EPHX2: variants seen among roughly 807,000 people sequenced by gnomAD.
EPHX2 encodes bifunctional epoxide hydrolase 2.
A neutral mutation model predicts 78.7 loss-of-function variants in EPHX2; 74 were observed. The observed-to-expected ratio is 0.94, with a 90% CI of 0.78 to 1.14. EPHX2 has a LOEUF of 1.14. Ranked by LOEUF, EPHX2 falls within the 50% of genes most tolerant of loss-of-function variation. The pLI, the probability that EPHX2 is intolerant of heterozygous loss-of-function variation, is 0.00. For missense variants in EPHX2, 715 were observed against 702.5 expected, an observed-to-expected ratio of 1.02 and a Z score of -0.20; for synonymous variants, 251 against 255.2, an observed-to-expected ratio of 0.98 and a Z score of 0.16.
At chr8:27,526,506 G>C (rs994187444) in intron 12 of EPHX2, among the ~76,000 whole-genome samples, 1 of 152,170 alleles carries the variant, frequency 6.6e-6, no homozygotes, top group Non-Finnish European at 1.5e-5. Flanking sequence ...AGATAGTCTC[G>C]ATGGTGAGAC....
chr8:27,500,940 A>G lies in EPHX2; in HGVS notation c.116A>G (p.Asp39Gly), dbSNP rs774577848. The stretch of plus-strand genomic sequence containing the variant: ...GTGTTTTCCAGAGGACTTCTGAATG[A>G]TGCTTTCCAGAAAGGGGGACCAGAG... ...ALALPRGLLN[D>G]AFQKGGPEGA... The change falls in exon 2 of 19, where the codon GAT (aspartate) becomes GGT (glycine). Residue 39 changes from aspartate (D) to glycine (G), a missense_variant. Asp to Gly is a moderately conservative substitution (Grantham distance 94). Transcript: ENST00000521400. The G allele has an allele frequency of 6.2e-7, 1 of 1,613,254 alleles. No individual in the cohort carries two copies. The highest frequency in any genetic ancestry group is 8.5e-7 in the Non-Finnish European group (1 of 1,179,608).
chr8:27,522,317 C>A, intron 10 of EPHX2, 106 bp from the exon 11 acceptor site: 2 of 985,290 alleles, frequency 2.0e-6, no homozygotes, highest in Non-Finnish European at 3.1e-6. Context: ...TGCTGTGGGT[C>A]GGGGGAGGAG....
chr8:27,493,714 A>G (rs1484059055), intron 1 of EPHX2, among the ~76,000 whole-genome samples: 3 of 152,258 alleles, frequency 2.0e-5, no homozygotes, highest in East Asian at 3.9e-4. Flanking sequence ...GGAGGCAGAT[A>G]TAGGTTGAAG....
chr8:27,524,354 A>T lies in EPHX2; in HGVS notation c.1059-1008A>T, dbSNP rs1814751648. 5.3e-5 allele frequency among the ~76,000 whole-genome samples: 8 copies of T among 151,898 alleles called. No individual in the cohort carries two copies. In the South Asian group the frequency reaches 1.7e-3, roughly 32 times the overall value. ...CTTCCATATGGTCTCTCAGTGCTTG[A>T]TTAATCTTCCTGACCTCTCTCTCTG... On this transcript the variant is annotated intron_variant, in intron 11 of 18. Coordinates refer to ENST00000521400, the MANE Select transcript of EPHX2 (RefSeq NM_001979.6).
At chr8:27,514,550 C>T (rs1814379345) in intron 6 of EPHX2, among the ~76,000 whole-genome samples, 1 of 152,202 alleles carries the variant, frequency 6.6e-6, no homozygotes, top group East Asian at 1.9e-4. Flanking sequence ...AACACCCTGT[C>T]CCTTTCAGTG....
chr8:27,516,860 C>T (rs778536086), intron 8 of EPHX2, among the ~76,000 whole-genome samples: 3 of 151,802 alleles, frequency 2.0e-5, no homozygotes, highest in Non-Finnish European at 2.9e-5. Context: ...GCTTCTTTCA[C>T]TTAGCATAAT....
chr8:27,515,194 G>A (rs1417572865), intron 6 of EPHX2, among the ~76,000 whole-genome samples: 1 of 152,020 alleles, frequency 6.6e-6, no homozygotes, highest in African/African-American at 2.4e-5. Flanking sequence ...CCTGTTCCCC[G>A]TTTTTTTCCT....
chr8:27,507,477 T>A (rs1482758268), intron 5 of EPHX2, among the ~76,000 whole-genome samples: 4 of 152,160 alleles, frequency 2.6e-5, no homozygotes, highest in Non-Finnish European at 4.4e-5. Context: ...GCCTGGGGAT[T>A]AGCCTGCTCC....
chr8:27,520,042 A>G (rs1181994839), intron 9 of EPHX2, among the ~76,000 whole-genome samples: 2 of 144,764 alleles, frequency 1.4e-5, no homozygotes, highest in Non-Finnish European at 3.0e-5. Context: ...GGGTCTCCTT[A>G]TGTTGCCCCG....
intron 11 of EPHX2, among the ~76,000 whole-genome samples, chr8:27,525,068 CTGTGTGTGTGTG>C (rs56963159): frequency 1.9e-3 from 249 of 131,200 alleles, no homozygotes; most frequent in African/African-American, 5.5e-3. Context: ...AGTATGTGTA[CTGTGTGTGTGTG>C]TGTGTGTGTG....
rs562106850 is a variant in EPHX2, at chr8:27,528,736, T to A, written c.1170+3263T>A. On this transcript the variant is annotated intron_variant, in intron 12 of 18. Transcript: ENST00000521400. ...GAGCACTGAGGCTGTTCCAGACCCA[T>A]GCAGCCTAAGGAAGACTCCTTCTGT... Among the ~76,000 whole-genome samples, 23 of 152,278 alleles carry A rather than the reference T, an allele frequency of 1.5e-4. No individual in the cohort carries two copies. The East Asian group carries it at 4.4e-3, about 29-fold the overall frequency.
downstream of EPHX2, among the ~76,000 whole-genome samples, chr8:27,546,435 C>T (rs1236511413): frequency 6.6e-6 from 1 of 152,208 alleles, no homozygotes; most frequent in Non-Finnish European, 1.5e-5. Context: ...CATTTCCAGC[C>T]ATGCCACCAC....
chr8:27,518,619 G>C (rs752436063), intron 9 of EPHX2, among the ~76,000 whole-genome samples: 8 of 152,220 alleles, frequency 5.3e-5, no homozygotes, highest in Non-Finnish European at 8.8e-5. Flanking sequence ...AGCTGGGGGA[G>C]CCCAGGGGAG....
intron 8 of EPHX2, 50 bp from the exon 9 acceptor site, chr8:27,517,988 A>G (rs1814521264): frequency 4.1e-6 from 6 of 1,449,258 alleles, no homozygotes; most frequent in African/African-American, 1.4e-5. Flanking sequence ...ATGTGTTGAT[A>G]TATTTTAAGT....
At chr8:27,504,926 TG>T in intron 3 of EPHX2, 29 bp from the exon 4 acceptor site, 2 of 1,611,898 alleles carry the variant, frequency 1.2e-6, no homozygotes, top group South Asian at 2.2e-5. Flanking sequence ...GGTCTGTAGC[TG>T]GTCTATCTAC....
chr8:27,522,654 G>A (rs1211092355), intron 11 of EPHX2, 146 bp downstream of exon 11: 2 of 812,000 alleles, frequency 2.5e-6, no homozygotes, highest in Admixed American at 2.5e-5. Context: ...TTAGTGTCTG[G>A]TGACACATTA....
chr8:27,521,059 T>C (rs1369645796), intron 10 of EPHX2, 150 bp downstream of exon 10: 1 of 824,858 alleles, frequency 1.2e-6, no homozygotes, highest in Non-Finnish European at 2.0e-6. Context: ...GCAGGGAAAA[T>C]CACAAAAACA....
Position 27,533,268 on chromosome 8 carries a change from G to C in EPHX2, c.1171-3516G>C, listed in dbSNP as rs561077178. Among the ~76,000 whole-genome samples, 8 of 152,290 alleles carry C rather than the reference G, an allele frequency of 5.3e-5. 1 individual carries two copies. In the South Asian group the frequency reaches 1.7e-3, roughly 32 times the overall value. On this transcript the variant is annotated intron_variant, in intron 12 of 18. Transcript: ENST00000521400. ...GGAAACCGAGGCTCTAGGGAAAGAA[G>C]TTCCCCAGCTGGTAACTGTCAGTAC...
At chr8:27,538,866 C>T in intron 14 of EPHX2, 174 bp downstream of exon 14, 2 of 663,212 alleles carry the variant, frequency 3.0e-6, no homozygotes, top group East Asian at 2.8e-5. Context: ...GGCCTGAGCA[C>T]ACAGCCTGGA....
Sources: allele counts gnomAD v4.1 joint callset (sites outside exome capture counted in the v4.1 genomes callset), GRCh38; gene constraint gnomAD v4.1.1; transcripts MANE v1.5; gene names NCBI Gene and HGNC (gene_info 2026-07-23, HGNC 2026-07-21).